CNBD1: variants seen among roughly 807,000 people sequenced by gnomAD.
The protein encoded by CNBD1 is cyclic nucleotide binding domain containing 1.
In CNBD1, 71 loss-of-function variants were observed where a neutral mutation model predicts 54.4. The ratio of observed to expected loss-of-function variants is 1.30; its 90% confidence interval spans 1.08 to 1.59. The LOEUF is 1.59. CNBD1 is among the 40% of genes most tolerant of loss of function. The pLI is 0.00. For missense variants in CNBD1, 659 were observed against 518.0 expected (o/e 1.27, Z -2.64); for synonymous variants, 182 against 170.7 (o/e 1.07, Z -0.51).
At chr8:87,329,466 G>C (rs971805824) in intron 8 of CNBD1, among the ~76,000 whole-genome samples, 1 of 152,016 alleles carries the variant, frequency 6.6e-6, no homozygotes. Flanking sequence ...AATTGATATT[G>C]CATAGCATCT....
At chr8:87,245,613 A>G (rs1273478259) in intron 6 of CNBD1, among the ~76,000 whole-genome samples, 1 of 142,090 alleles carries the variant, frequency 7.0e-6, no homozygotes, top group African/African-American at 3.0e-5. Context: ...ATGTAAGATT[A>G]AAAAAAAGTG....
intron 4 of CNBD1, among the ~76,000 whole-genome samples, chr8:87,185,916 C>G (rs1359561688): frequency 6.6e-6 from 1 of 152,082 alleles, no homozygotes; most frequent in East Asian, 1.9e-4. Flanking sequence ...TGGATTCCCT[C>G]GTCCCATTCT....
intron 3 of CNBD1, among the ~76,000 whole-genome samples, chr8:86,934,837 T>C (rs2130413342): frequency 6.6e-6 from 1 of 152,312 alleles, no homozygotes; most frequent in South Asian, 2.1e-4. Flanking sequence ...TCCCTGGATT[T>C]AGTGTTAATA....
intron 10 of CNBD1, among the ~76,000 whole-genome samples, chr8:87,373,823 C>T (rs1179376682): frequency 6.6e-6 from 1 of 151,712 alleles, no homozygotes; most frequent in Non-Finnish European, 1.5e-5. Flanking sequence ...TCTGTGTAAA[C>T]CTTAAACTTC....
At chr8:87,008,852 G>T (rs189254611) in intron 4 of CNBD1, among the ~76,000 whole-genome samples, 2 of 152,178 alleles carry the variant, frequency 1.3e-5, no homozygotes, top group East Asian at 3.9e-4. Flanking sequence ...AAAGTAGTTT[G>T]CTTGGGTACA....
At chr8:87,263,460 A>G (rs1808182149) in intron 6 of CNBD1, among the ~76,000 whole-genome samples, 1 of 152,284 alleles carries the variant, frequency 6.6e-6, no homozygotes, top group Admixed American at 6.5e-5. Flanking sequence ...TTCCTTAAAG[A>G]GGTGACTAAG....
At chr8:87,309,269 C>G (rs779356444) in intron 8 of CNBD1, among the ~76,000 whole-genome samples, 11 of 152,062 alleles carry the variant, frequency 7.2e-5, no homozygotes, top group Admixed American at 1.3e-4. Context: ...TTTGTAATAG[C>G]CATTAAAACT....
At chr8:87,306,699 G>T (rs1472482234) in intron 8 of CNBD1, among the ~76,000 whole-genome samples, 2 of 151,950 alleles carry the variant, frequency 1.3e-5, no homozygotes, top group Non-Finnish European at 2.9e-5. Context: ...CCGATATGTC[G>T]GAACTAAGCT....
At chr8:86,877,152 A>T (rs1808532557) in intron 1 of CNBD1, among the ~76,000 whole-genome samples, 1 of 152,036 alleles carries the variant, frequency 6.6e-6, no homozygotes, top group Non-Finnish European at 1.5e-5. Context: ...TATTATTTTT[A>T]ATATTTCTTA....
intron 4 of CNBD1, among the ~76,000 whole-genome samples, chr8:87,028,988 T>C (rs1447782568): frequency 6.6e-6 from 1 of 152,192 alleles, no homozygotes; most frequent in Non-Finnish European, 1.5e-5. Context: ...TCCTAACAAG[T>C]GTGAGGTGAT....
At chr8:87,296,637 ATG>A (rs915669367) in intron 8 of CNBD1, among the ~76,000 whole-genome samples, 4 of 151,488 alleles carry the variant, frequency 2.6e-5, no homozygotes, top group East Asian at 3.9e-4. Context: ...ATACATATAT[ATG>A]TGTGTGTGTG....
chr8:87,221,481 T>C (rs910937640), intron 5 of CNBD1, among the ~76,000 whole-genome samples: 8 of 152,142 alleles, frequency 5.3e-5, no homozygotes, highest in Non-Finnish European at 1.5e-5. Context: ...ACTATACAAA[T>C]ATTTTTCCTT....
chr8:86,940,132 C>CTTT lies in CNBD1; in HGVS notation c.431+395_431+397dup, dbSNP rs10671983. ...CTTTAAATAAACTTACCACATGTTA[C>CTTT]TTTTTTTTTTTTTTTTTTTGAGACT... On this transcript the variant is annotated intron_variant, in intron 4 of 10. Coordinates refer to ENST00000518476, the MANE Select transcript of CNBD1 (RefSeq NM_173538.3). Among the ~76,000 whole-genome samples, 32 of 88,728 alleles carry CTTT rather than the reference C, an allele frequency of 3.6e-4. 1 individual carries two copies. Among genetic ancestry groups the CTTT allele is most frequent in the Admixed American group, 7.9e-4 (5 of 6,304 alleles). The allele number at this position is 88,728 out of a possible 152,430, so 58.2% of individuals were successfully genotyped here. A position where few individuals can be genotyped will look rare whatever the true frequency, so the allele number is the denominator to read the frequency against.
chr8:87,215,956 A>C (rs1441157823), intron 5 of CNBD1, among the ~76,000 whole-genome samples: 1 of 152,112 alleles, frequency 6.6e-6, no homozygotes, highest in African/African-American at 2.4e-5. Flanking sequence ...ATTTATTCTG[A>C]ACATTTTGCA....
At chr8:87,119,279 T>C (rs905476495) in intron 4 of CNBD1, among the ~76,000 whole-genome samples, 1 of 152,098 alleles carries the variant, frequency 6.6e-6, no homozygotes. Flanking sequence ...TCTGTAGTTT[T>C]TCTTGTAGAT....
chr8:87,364,274 A>G (rs571230731), intron 10 of CNBD1, among the ~76,000 whole-genome samples: 12 of 151,746 alleles, frequency 7.9e-5, no homozygotes, highest in African/African-American at 2.9e-4. Flanking sequence ...AAAAGATAAC[A>G]TTACTCAGAA....
chr8:87,120,361 A>AG (rs1215549545), intron 4 of CNBD1, among the ~76,000 whole-genome samples: 1 of 151,980 alleles, frequency 6.6e-6, no homozygotes, highest in Non-Finnish European at 1.5e-5. Context: ...GTCAGTGTAT[A>AG]GTTGTTCATG....
At position 87,236,927 on chromosome 8, in the gene CNBD1, A is replaced by C; in HGVS notation, c.586A>C (p.Asn196His). The change falls in exon 6 of 11, where the codon AAT becomes CAT. Residue 196 changes from asparagine (N) to histidine (H), a missense_variant. Coordinates refer to ENST00000518476, the MANE Select transcript of CNBD1 (RefSeq NM_173538.3). ...TWLKGSTVVA[N>H]DGFYVILKGL... is the part of the protein sequence containing the mutation. ...GGCTTTGTTTTTTTCAGTGGTTGCAAATGATGGATTTTATGTAATACTGAA... is the reference window on the plus strand; with the variant it reads ...GGCTTTGTTTTTTTCAGTGGTTGCACATGATGGATTTTATGTAATACTGAA... 6.3e-7 allele frequency: 1 copy of C among 1,589,680 alleles called. No individual in the cohort carries two copies. Among genetic ancestry groups the C allele is most frequent in the Non-Finnish European group, 8.6e-7 (1 of 1,167,718 alleles).
intron 4 of CNBD1, 51 bp from the exon 5 acceptor site, chr8:87,205,942 C>T: frequency 7.4e-7 from 1 of 1,345,564 alleles, no homozygotes; most frequent in Non-Finnish European, 9.6e-7. Context: ...CTGTTTGTTT[C>T]TTTGCATTTA....
Sources: gnomAD v4.1 joint callset for allele counts (sites outside exome capture counted in the v4.1 genomes callset) on GRCh38, gnomAD v4.1.1 for gene constraint, MANE v1.5 for transcripts, NCBI Gene and HGNC (gene_info 2026-07-23, HGNC 2026-07-21) for gene names.